Variants in KTN1 observed in about 807,000 individuals in gnomAD.
The protein encoded by KTN1 is kinectin.
A neutral mutation model predicts 222.5 loss-of-function variants in KTN1; 130 were observed. The observed-to-expected ratio is 0.58, with a 90% CI of 0.51 to 0.68. The LOEUF (loss-of-function observed/expected upper bound fraction) is 0.68, where lower values mean the gene tolerates loss of function less well. Ranked by LOEUF, KTN1 falls within the 30% of genes least tolerant of loss-of-function variation. KTN1 has a pLI of 0.00. For missense variants in KTN1, 1,508 were observed against 1,500.4 expected (o/e 1.01, Z -0.08); for synonymous variants, 512 against 496.3 (o/e 1.03, Z -0.42).
intron 28 of KTN1, 88 bp from the exon 29 acceptor site, chr14:55,655,954 G>A: frequency 1.5e-6 from 1 of 671,834 alleles, no homozygotes. Flanking sequence ...TATTGTTTCT[G>A]CCATCTTTTT....
intron 3 of KTN1, among the ~76,000 whole-genome samples, chr14:55,617,250 A>G (rs897402916): frequency 6.6e-6 from 1 of 152,228 alleles, no homozygotes; most frequent in African/African-American, 2.4e-5. Flanking sequence ...AATTTTAAAT[A>G]AAAGAAGAGA....
rs990971458 is a variant in KTN1, at chr14:55,592,014, T to G, written c.-31+11660T>G. 3.9e-5 allele frequency among the ~76,000 whole-genome samples: 6 copies of G among 152,352 alleles called. No individual in the cohort carries two copies. The East Asian group carries it at 9.6e-4, about 24-fold the overall frequency. On this transcript the variant is annotated intron_variant, in intron 1 of 43. Transcript: ENST00000395314. ...AGATTTCTTCATATGTTCTGAATAC[T>G]AATTATTTGCCAATTATGTGTTATA...
intron 34 of KTN1, chr14:55,668,348 C>T (rs1463768096): frequency 6.6e-6 from 1 of 152,008 alleles, no homozygotes; most frequent in Non-Finnish European, 1.5e-5. Context: ...TTCTCAGCAA[C>T]ACCCCACCTC....
intron 1 of KTN1, among the ~76,000 whole-genome samples, chr14:55,586,182 T>A (rs2032948170): frequency 6.6e-6 from 1 of 152,198 alleles, no homozygotes; most frequent in Non-Finnish European, 1.5e-5. Flanking sequence ...GTCCAGTTCT[T>A]TAATTACATA....
At chr14:55,621,198 CT>C (rs1594895045) in intron 5 of KTN1, among the ~76,000 whole-genome samples, 1 of 152,262 alleles carries the variant, frequency 6.6e-6, no homozygotes, top group East Asian at 1.9e-4. Flanking sequence ...GATTTCATTG[CT>C]GGTATCATCA....
chr14:55,631,906 C>T (rs954178320), intron 7 of KTN1, among the ~76,000 whole-genome samples: 9 of 152,012 alleles, frequency 5.9e-5, no homozygotes, highest in African/African-American at 2.2e-4. Context: ...ATTTTCATTC[C>T]GTCTTGTATT....
chr14:55,580,867 T>C (rs1174709680), intron 1 of KTN1, among the ~76,000 whole-genome samples: 4 of 152,252 alleles, frequency 2.6e-5, no homozygotes, highest in African/African-American at 9.6e-5. Flanking sequence ...GTTCCAGTCC[T>C]CGCCGCTGCC....
At chr14:55,678,051 C>A (rs1426925528) in intron 41 of KTN1, among the ~76,000 whole-genome samples, 1 of 152,230 alleles carries the variant, frequency 6.6e-6, no homozygotes, top group East Asian at 1.9e-4. Flanking sequence ...TGTACAAAAA[C>A]AGGCTTTGGG....
At chr14:55,590,333 C>T (rs778053785) in intron 1 of KTN1, among the ~76,000 whole-genome samples, 10 of 152,120 alleles carry the variant, frequency 6.6e-5, no homozygotes, top group Non-Finnish European at 1.2e-4. Context: ...ATAAAATGAA[C>T]ATCTGTGTAC....
rs1159508004 is a variant in KTN1, at chr14:55,641,182, A to G, written c.2077A>G (p.Ile693Val). 6.3e-7 allele frequency: 1 copy of G among 1,598,082 alleles called. No homozygotes were observed. The highest frequency in any genetic ancestry group is 2.2e-5 in the East Asian group (1 of 44,734). ...GCTGGAAGAGCAACTACAACATGAA[A>G]TTTCAAACAAAATGGAAGAATTTAA... Reference protein sequence around the residue: ...RLLEEQLQHEISNKMEEFKIL... With the variant: ...RLLEEQLQHEVSNKMEEFKIL... The change falls in exon 17 of 44, where the codon ATT becomes GTT. Residue 693 changes from isoleucine (I) to valine (V), a missense_variant. Ile to Val is a conservative substitution (Grantham distance 29, BLOSUM62 3). Transcript: ENST00000395314.
At chr14:55,654,431 C>T (rs767747235) in intron 28 of KTN1, among the ~76,000 whole-genome samples, 13 of 151,794 alleles carry the variant, frequency 8.6e-5, no homozygotes, top group Non-Finnish European at 1.8e-4. Context: ...TGTCGAGGTG[C>T]TTATCTCTTA....
At position 55,628,010 on chromosome 14, in the gene KTN1, G is replaced by T; in HGVS notation, c.1062G>T (p.Arg354=). 1 of 1,610,966 alleles carries T rather than the reference G, an allele frequency of 6.2e-7. No homozygotes were observed. The highest frequency in any genetic ancestry group is 1.1e-5 in the South Asian group (1 of 91,016). ...VKEDAAATKD[R]CKQLTQEMMT... ...AAGATGCTGCTGCTACAAAGGATCG[G>T]TGTAAGCAGTTAACCCAGGTGAAGA... The change falls in exon 6 of 44, where the codon CGG becomes CGT. Residue 354 remains arginine, a synonymous_variant. Coordinates refer to ENST00000395314, the MANE Select transcript of KTN1 (RefSeq NM_001079521.2).
At chr14:55,659,530 G>T in intron 30 of KTN1, 136 bp from the exon 31 acceptor site, 2 of 646,304 alleles carry the variant, frequency 3.1e-6, no homozygotes, top group Non-Finnish European at 5.6e-6. Context: ...CTTGATTAAA[G>T]TCAGGGTTAC....
At chr14:55,638,371 A>G (rs992464705) in intron 12 of KTN1, among the ~76,000 whole-genome samples, 5 of 151,896 alleles carry the variant, frequency 3.3e-5, no homozygotes, top group Admixed American at 3.3e-4. Flanking sequence ...CTTTATAAAT[A>G]ATATAAAGAA....
At chr14:55,643,389 TAGC>T (rs1225487215) in intron 18 of KTN1, among the ~76,000 whole-genome samples, 1 of 152,196 alleles carries the variant, frequency 6.6e-6, no homozygotes, top group African/African-American at 2.4e-5. Context: ...TACTGTTAAA[TAGC>T]AGTGGTGAGA....
At chr14:55,625,960 C>T (rs1267553662) in intron 5 of KTN1, among the ~76,000 whole-genome samples, 1 of 151,902 alleles carries the variant, frequency 6.6e-6, no homozygotes, top group Non-Finnish European at 1.5e-5. Context: ...AGTGTCTGAC[C>T]TACTCTACAC....
At chr14:55,652,539 C>T (rs1192325254) in intron 25 of KTN1, among the ~76,000 whole-genome samples, 1 of 151,954 alleles carries the variant, frequency 6.6e-6, no homozygotes, top group Non-Finnish European at 1.5e-5. Context: ...GCTGGGACTA[C>T]AGGCGCGTAC....
At position 55,615,473 on chromosome 14, in the gene KTN1, C is replaced by T. The variant is rs571219044; in HGVS notation, c.524-1044C>T. ...GGAATGTCATATAAGTGAAATTATA[C>T]GATATTTATCTTTTTGTCACTGCCA... On this transcript the variant is annotated intron_variant, in intron 2 of 43. Coordinates refer to ENST00000395314, the MANE Select transcript of KTN1 (RefSeq NM_001079521.2). Among the ~76,000 whole-genome samples the T allele has an allele frequency of 1.0e-4, 15 of 148,788 alleles. No homozygotes were observed. The South Asian group carries it at 1.8e-3, about 18-fold the overall frequency.
In KTN1 at chr14:55,641,155, T is replaced by C. The variant is rs1348269812; in HGVS notation, c.2050T>C (p.Leu684=). The change falls in exon 17 of 44, where the codon TTG becomes CTG. Residue 684 remains leucine (L), a synonymous_variant. Transcript: ENST00000395314. ...SVYVKDDKIR[L]LEEQLQHEIS... ...TTATGTTAAAGATGATAAAATAAGA[T>C]TGCTGGAAGAGCAACTACAACATGA... is the stretch of plus-strand genomic sequence containing the variant. The C allele has an allele frequency of 6.3e-7, 1 of 1,597,790 alleles. No homozygotes were observed. Among genetic ancestry groups the C allele is most frequent in the South Asian group, 1.1e-5 (1 of 87,984 alleles).
Sources: allele counts gnomAD v4.1 joint callset (sites outside exome capture counted in the v4.1 genomes callset), GRCh38; gene constraint gnomAD v4.1.1; transcripts MANE v1.5; gene names NCBI Gene and HGNC (gene_info 2026-07-23, HGNC 2026-07-21).